Variants in GRWD1 observed in about 807,000 individuals in gnomAD.
GRWD1 encodes the protein glutamate rich WD repeat containing 1.
In GRWD1, 29 loss-of-function variants were observed where a neutral mutation model predicts 45.3. The observed-to-expected ratio is 0.64, with a 90% CI of 0.48 to 0.87. The LOEUF (loss-of-function observed/expected upper bound fraction) is 0.87, where lower values mean the gene tolerates loss of function less well. Ranked by LOEUF, GRWD1 falls within the 40% of genes least tolerant of loss-of-function variation. The pLI is 0.00. For missense variants in GRWD1, 592 were observed against 618.8 expected (o/e 0.96, Z 0.46); for synonymous variants, 262 against 257.6 (o/e 1.02, Z -0.16).
At chr19:48,446,330 G>A in intron 1 of GRWD1, 55 bp from the exon 2 acceptor site, 1 of 1,573,450 alleles carries the variant, frequency 6.4e-7, no homozygotes, top group East Asian at 2.2e-5. Context: ...AGGGAGGTGG[G>A]GACTGAGCTC....
intron 2 of GRWD1, 27 bp downstream of exon 2, chr19:48,446,529 A>C: frequency 3.7e-6 from 6 of 1,606,816 alleles, no homozygotes; most frequent in Non-Finnish European, 5.1e-6. Flanking sequence ...TTCCAGGACC[A>C]GGAGGCTCAG....
In GRWD1 at chr19:48,450,317, C is replaced by G; in HGVS notation, c.473C>G (p.Ser158Ter). ...TCCCCCACCGCTCTTCTGCAGGTGT[C>G]ATGGCTGGGTGAAGAGCCTGTGGCT... ...HYGGINRVRV[S>*]WLGEEPVAGV... The change falls in exon 4 of 7, where the codon TCA (serine) becomes TGA (stop). Residue 158 changes from serine (S) to a stop codon, truncating the protein, a stop_gained. Transcript: ENST00000253237. LOFTEE classifies it high-confidence loss of function. The surrounding 1 kb of genome is among the most constrained non-coding windows in gnomAD (Gnocchi z 5.1). 1 of 1,610,888 alleles carries G rather than the reference C, an allele frequency of 6.2e-7. No homozygotes were observed. Among genetic ancestry groups the G allele is most frequent in the Non-Finnish European group, 8.5e-7 (1 of 1,179,126 alleles).
chr19:48,446,744 T>A lies in GRWD1; in HGVS notation c.369T>A (p.Asp123Glu), dbSNP rs1569077504. 1 of 1,613,748 alleles carries A rather than the reference T, an allele frequency of 6.2e-7. No individual in the cohort carries two copies. Among genetic ancestry groups the A allele is most frequent in the Admixed American group, 1.7e-5 (1 of 59,950 alleles). Residue 123 changes from aspartate to glutamate, a missense_variant, in exon 3 of 7, where the codon GAT (aspartate) becomes GAA (glutamate). Asp to Glu is a conservative substitution (Grantham distance 45). Transcript: ENST00000253237. Reference protein sequence around the residue: ...GTKPPPSEGSDEEEEEEDEED... With the variant: ...GTKPPPSEGSEEEEEEEDEED... ...AGCCCCCACCCTCAGAGGGCAGTGATGAAGAAGAAGAGGAGGAAGATGAAG... is the reference window on the plus strand; with the variant it reads ...AGCCCCCACCCTCAGAGGGCAGTGAAGAAGAAGAAGAGGAGGAAGATGAAG...
rs1601005557 is a variant in GRWD1 at position 48,452,092 on chromosome 19, T to C, written c.1024-616T>C. Among the ~76,000 whole-genome samples the C allele has an allele frequency of 6.7e-6, 1 of 149,928 alleles. No homozygotes were observed. The highest frequency in any genetic ancestry group is 1.5e-5 in the Non-Finnish European group (1 of 67,520). ...AGAGCCATGCCCTCCTTTTTTTCTT[T>C]TTTTTTTTTTTTTTCTTTTTTTTTG... On this transcript the variant is annotated intron_variant, in intron 6 of 6. Coordinates refer to ENST00000253237, the MANE Select transcript of GRWD1 (RefSeq NM_031485.4). This position sits in a 1 kb window ranked among gnomAD's most constrained non-coding sequence, Gnocchi z 5.1.
rs1281517559 is a variant in GRWD1 at position 48,446,426 on chromosome 19, G to A, written c.229G>A (p.Gly77Arg). 4 of 1,614,042 alleles carry A rather than the reference G, an allele frequency of 2.5e-6. No homozygotes were observed. The highest frequency in any genetic ancestry group is 3.4e-6 in the Non-Finnish European group (4 of 1,180,026). ...LSFDIVRDHL[G>R]DNRTELPLTL... Reference sequence around the variant, plus strand: ...CTTTGACATAGTCCGGGATCACCTGGGAGACAACCGGACAGAGCTTCCTCT... The same window carrying A: ...CTTTGACATAGTCCGGGATCACCTGAGAGACAACCGGACAGAGCTTCCTCT... Residue 77 changes from glycine to arginine, a missense_variant, in exon 2 of 7, where the codon GGA becomes AGA. Transcript: ENST00000253237.
chr19:48,451,449 G>T (rs931397317), intron 6 of GRWD1, among the ~76,000 whole-genome samples: 1 of 152,126 alleles, frequency 6.6e-6, no homozygotes, highest in African/African-American at 2.4e-5. Context: ...CTCTACCAGG[G>T]GAACAGCTGA....
At chr19:48,447,135 G>A (rs1247387111) in intron 3 of GRWD1, among the ~76,000 whole-genome samples, 2 of 147,622 alleles carry the variant, frequency 1.4e-5, no homozygotes, top group East Asian at 4.0e-4. Flanking sequence ...GTGCAGTGGT[G>A]CGATCTTGGC....
intron 6 of GRWD1, 69 bp downstream of exon 6, chr19:48,451,300 T>C (rs1163644539): frequency 2.9e-6 from 4 of 1,381,792 alleles, no homozygotes; most frequent in Non-Finnish European, 3.9e-6. Context: ...ATTTGTAGGA[T>C]TTTTCCTCCT....
chr19:48,455,189 C>T lies in GRWD1; in HGVS notation c.*2164C>T, dbSNP rs1013122632. On this transcript the variant is annotated 3_prime_UTR_variant, in exon 7 of 7. Coordinates refer to ENST00000253237, the MANE Select transcript of GRWD1 (RefSeq NM_031485.4). ...TCTCTGGGTCTCTGTCCCCCTCTCT[C>T]TCAGGGTCCCTGTCCTGCTTGGTCC... 1 of 152,612 alleles carries T rather than the reference C, an allele frequency of 6.6e-6. No individual in the cohort carries two copies. Among genetic ancestry groups the T allele is most frequent in the Non-Finnish European group, 1.5e-5 (1 of 68,394 alleles). 9.5% of individuals were successfully genotyped at this position (152,612 alleles called of 1,614,324 possible).
chr19:48,446,791 C>G lies in GRWD1; in HGVS notation c.416C>G (p.Pro139Arg). Residue 139 changes from proline to arginine, a missense_variant, in exon 3 of 7, where the codon CCT becomes CGT. Physicochemically the swap from Pro to Arg is moderately radical, Grantham distance 103. Coordinates refer to ENST00000253237, the MANE Select transcript of GRWD1 (RefSeq NM_031485.4). ...EDEEDEEERK[P>R]QLELAMVPHY... The stretch of plus-strand genomic sequence containing the variant: ...GAAGAGGATGAAGAAGAGCGGAAAC[C>G]TCAGCTGGAGCTGGCCATGGTGCCC... The G allele has an allele frequency of 1.2e-6, 2 of 1,614,122 alleles. No homozygotes were observed. Among genetic ancestry groups the G allele is most frequent in the Non-Finnish European group, 1.7e-6 (2 of 1,180,028 alleles).
chr19:48,450,563 G>A lies in GRWD1; in HGVS notation c.682+37G>A, dbSNP rs755038714. 14 of 1,611,274 alleles carry A rather than the reference G, an allele frequency of 8.7e-6. No individual in the cohort carries two copies. The highest frequency in any genetic ancestry group is 1.6e-4 in the Middle Eastern group (1 of 6,070). On this transcript the variant is annotated intron_variant, in intron 4 of 6. Coordinates refer to ENST00000253237, the MANE Select transcript of GRWD1 (RefSeq NM_031485.4). This position sits in a 1 kb window ranked among gnomAD's most constrained non-coding sequence, Gnocchi z 5.1. ...GGGTGTTCAGGAGTCCCGGGAGGTCGGGGGAGCAGGGTCTGCAACAAGGGG... is the reference window on the plus strand; with the variant it reads ...GGGTGTTCAGGAGTCCCGGGAGGTCAGGGGAGCAGGGTCTGCAACAAGGGG...
chr19:48,449,823 A>T lies in GRWD1; in HGVS notation c.469-490A>T, dbSNP rs928383836. On this transcript the variant is annotated intron_variant, in intron 3 of 6. Transcript: ENST00000253237. The stretch of plus-strand genomic sequence containing the variant: ...GCAACAGAGCGGGACCCTGTCTCAA[A>T]AACAAAAAAGTTTGAACGGTCAATG... 2.2e-4 allele frequency among the ~76,000 whole-genome samples: 34 copies of T among 152,136 alleles called. 1 individual carries two copies. The highest frequency in any genetic ancestry group is 8.2e-4 in the African/African-American group (34 of 41,440).
At position 48,450,203 on chromosome 19, in the gene GRWD1, T is replaced by C; in HGVS notation, c.469-110T>C. ...GAGCTGTAGTCCCAGGCCTGGGAGATCTGAGGAAGCGCACTTCTGGTTCTC... is the reference window on the plus strand; with the variant it reads ...GAGCTGTAGTCCCAGGCCTGGGAGACCTGAGGAAGCGCACTTCTGGTTCTC... On this transcript the variant is annotated intron_variant, in intron 3 of 6. Coordinates refer to ENST00000253237, the MANE Select transcript of GRWD1 (RefSeq NM_031485.4). The surrounding 1 kb of genome is among the most constrained non-coding windows in gnomAD (Gnocchi z 5.1). 3 of 817,634 alleles carry C rather than the reference T, an allele frequency of 3.7e-6. No individual in the cohort carries two copies. Among genetic ancestry groups the C allele is most frequent in the South Asian group, 3.1e-5 (2 of 65,028 alleles). 50.6% of individuals were successfully genotyped at this position (817,634 alleles called of 1,614,324 possible).
chr19:48,451,011 C>T (rs1314199351), intron 5 of GRWD1, 23 bp from the exon 6 acceptor site: 2 of 1,605,026 alleles, frequency 1.2e-6, no homozygotes, highest in African/African-American at 1.3e-5. Flanking sequence ...GCATTGGGAC[C>T]ACTCAGACTC....
In GRWD1 at chr19:48,450,370, G is replaced by A. The variant is rs1289290508; in HGVS notation, c.526G>A (p.Glu176Lys). 1 of 1,613,542 alleles carries A rather than the reference G, an allele frequency of 6.2e-7. No homozygotes were observed. The highest frequency in any genetic ancestry group is 1.7e-5 in the Admixed American group (1 of 60,032). ...AGVWSEKGQVEVFALRRLLQV... is the reference protein window; with the variant it reads ...AGVWSEKGQVKVFALRRLLQV... ...GGTGTGGTCAGAGAAGGGCCAGGTGGAGGTGTTTGCGCTGCGGCGGCTTCT... is the reference window on the plus strand; with the variant it reads ...GGTGTGGTCAGAGAAGGGCCAGGTGAAGGTGTTTGCGCTGCGGCGGCTTCT... Residue 176 changes from glutamate to lysine, a missense_variant, in exon 4 of 7, where the codon GAG becomes AAG. Glu to Lys is a moderately conservative substitution (Grantham distance 56). Transcript: ENST00000253237. This position sits in a 1 kb window ranked among gnomAD's most constrained non-coding sequence, Gnocchi z 5.1.
chr19:48,450,178 G>T lies in GRWD1; in HGVS notation c.469-135G>T. On this transcript the variant is annotated intron_variant, in intron 3 of 6. Coordinates refer to ENST00000253237, the MANE Select transcript of GRWD1 (RefSeq NM_031485.4). This position sits in a 1 kb window ranked among gnomAD's most constrained non-coding sequence, Gnocchi z 5.1. The stretch of plus-strand genomic sequence containing the variant: ...ATTTTCTTCCCACAGAGGTTTCAAG[G>T]AGCTGTAGTCCCAGGCCTGGGAGAT... 1.5e-6 allele frequency: 1 copy of T among 686,582 alleles called. No individual in the cohort carries two copies. The highest frequency in any genetic ancestry group is 2.3e-5 in the Admixed American group (1 of 42,830). The allele number at this position is 686,582 out of a possible 1,614,324, so 42.5% of individuals were successfully genotyped here.
In GRWD1 at chr19:48,452,169, G is replaced by A. The variant is rs539637141; in HGVS notation, c.1024-539G>A. 2.0e-5 allele frequency among the ~76,000 whole-genome samples: 3 copies of A among 150,258 alleles called. No homozygotes were observed. The highest frequency in any genetic ancestry group is 4.2e-4 in the South Asian group (2 of 4,760). Reference sequence around the variant, plus strand: ...GGCTGGAGTGCAGTGGCGCAATCTCGGCTCACTGCAACCTCCCGCTCCTGG... The same window carrying A: ...GGCTGGAGTGCAGTGGCGCAATCTCAGCTCACTGCAACCTCCCGCTCCTGG... On this transcript the variant is annotated intron_variant, in intron 6 of 6. Transcript: ENST00000253237. This position sits in a 1 kb window ranked among gnomAD's most constrained non-coding sequence, Gnocchi z 5.1.
At chr19:48,449,817 T>C (rs1352644533) in intron 3 of GRWD1, among the ~76,000 whole-genome samples, 1 of 152,030 alleles carries the variant, frequency 6.6e-6, no homozygotes, top group Non-Finnish European at 1.5e-5. Context: ...CGGGACCCTG[T>C]CTCAAAAACA....
intron 3 of GRWD1, among the ~76,000 whole-genome samples, chr19:48,449,580 T>G (rs1601003766): frequency 6.6e-6 from 1 of 152,180 alleles, no homozygotes; most frequent in Non-Finnish European, 1.5e-5. Context: ...CCCAGCACTT[T>G]GGAAAGCTGA....
Sources: gnomAD v4.1 joint callset for allele counts (sites outside exome capture counted in the v4.1 genomes callset) on GRCh38, gnomAD v4.1.1 for gene constraint, Gnocchi (gnomAD v3.1) non-coding constraint, MANE v1.5 for transcripts, NCBI Gene and HGNC (gene_info 2026-07-23, HGNC 2026-07-21) for gene names.